Variants in RAG1 observed in about 807,000 individuals in gnomAD.
The protein encoded by RAG1 is V(D)J recombination-activating protein 1.
RAG1 carries 35 observed loss-of-function variants against 62.7 expected under a neutral mutation model. The ratio of observed to expected loss-of-function variants is 0.56; its 90% CI spans 0.43 to 0.74. RAG1 has a LOEUF of 0.74. Among genes scored for constraint, RAG1 ranks in the 30% least tolerant of loss-of-function variants. The pLI is 0.00. For synonymous variants in RAG1, 461 were observed against 470.3 expected (o/e 0.98, Z 0.26); for missense variants, 1,169 against 1,278.6 (o/e 0.91, Z 1.31).
rs145951370 is a variant in RAG1 at position 36,575,105 on chromosome 11, T to G, written c.1801T>G (p.Ser601Ala). Residue 601 changes from serine (S) to alanine (A), a missense_variant, in exon 2 of 2, where the codon TCT (serine) becomes GCT (alanine). Physicochemically the swap from Ser to Ala is moderately conservative, Grantham distance 99. Transcript: ENST00000299440. This position sits in a 1 kb window ranked among gnomAD's most constrained non-coding sequence, Gnocchi z 4.1. Reference sequence around the variant, plus strand: ...CCCCTTCACTGTGGTGGTGAAGGAGTCTTGTGATGGAATGGGAGACGTGAG... The same window carrying G: ...CCCCTTCACTGTGGTGGTGAAGGAGGCTTGTGATGGAATGGGAGACGTGAG... Reference protein sequence around the residue: ...NGPFTVVVKESCDGMGDVSEK... With the variant: ...NGPFTVVVKEACDGMGDVSEK... The G allele has an allele frequency of 6.2e-7, 1 of 1,613,614 alleles. No individual in the cohort carries two copies. Among genetic ancestry groups the G allele is most frequent in the Non-Finnish European group, 8.5e-7 (1 of 1,179,894 alleles).
rs1348801668 is a variant in RAG1, at chr11:36,577,381, TG to T, written c.*946del. The T allele has an allele frequency of 1.2e-5, 2 of 167,024 alleles. No homozygotes were observed. The highest frequency in any genetic ancestry group is 2.9e-5 in the Non-Finnish European group (2 of 68,114). 10.3% of individuals were successfully genotyped at this position (167,024 alleles called of 1,614,324 possible). ...TATTTCATGTCTTACTGAAACATTT[TG>T]CCAGACTTTCTCCAAATGAAACCTG... On this transcript the variant is annotated 3_prime_UTR_variant, in exon 2 of 2. Coordinates refer to ENST00000299440, the MANE Select transcript of RAG1 (RefSeq NM_000448.3).
chr11:36,561,955 C>T (rs371862223), intron 3 of RAG1, among the ~76,000 whole-genome samples: 20 of 152,212 alleles, frequency 1.3e-4, no homozygotes, highest in African/African-American at 4.3e-4. Context: ...CCAATGTCAG[C>T]GTATCCGGAC....
intron 3 of RAG1, among the ~76,000 whole-genome samples, chr11:36,551,223 G>T (rs1850476660): frequency 6.6e-6 from 1 of 152,084 alleles, no homozygotes; most frequent in South Asian, 2.1e-4. Context: ...TAAGAAAGTG[G>T]CAGTTTTTGG....
chr11:36,562,256 T>A (rs1850600894), intron 3 of RAG1, among the ~76,000 whole-genome samples: 2 of 152,208 alleles, frequency 1.3e-5, no homozygotes, highest in Admixed American at 1.3e-4. Flanking sequence ...AGAGTTGCCA[T>A]TAAGCAAGCT....
Position 36,576,414 on chromosome 11 carries a change from G to A in RAG1, c.3110G>A (p.Ser1037Asn). The part of the protein sequence containing the change: ...DPLGIEDSLE[S>N]QDSMEF ...TTAGGCATAGAGGACTCTCTGGAAA[G>A]CCAAGATTCAATGGAATTTTAAGTA... Residue 1037 changes from serine (S) to asparagine (N), a missense_variant, in exon 2 of 2, where the codon AGC becomes AAC. Physicochemically the swap from Ser to Asn is conservative, Grantham distance 46. This residue lies in a region of RAG1 where 800 missense variants were observed against 943.3 expected (regional missense o/e 0.85). Transcript: ENST00000299440. 1 of 1,614,150 alleles carries A rather than the reference G, an allele frequency of 6.2e-7. No individual in the cohort carries two copies. Among genetic ancestry groups the A allele is most frequent in the Non-Finnish European group, 8.5e-7 (1 of 1,180,036 alleles).
At chr11:36,571,169 T>C (rs374021948) in intron 1 of RAG1, among the ~76,000 whole-genome samples, 20 of 152,294 alleles carry the variant, frequency 1.3e-4, no homozygotes, top group African/African-American at 4.3e-4. Flanking sequence ...GTTCTAAGGA[T>C]CCTACAAACA....
At chr11:36,549,743 AC>A (rs1408694132) in intron 3 of RAG1, among the ~76,000 whole-genome samples, 1 of 152,164 alleles carries the variant, frequency 6.6e-6, no homozygotes, top group Non-Finnish European at 1.5e-5. Flanking sequence ...ATACCATTTG[AC>A]CCAGCAATCT....
intron 2 of RAG1, among the ~76,000 whole-genome samples, chr11:36,522,966 T>C (rs947468346): frequency 1.1e-4 from 17 of 152,386 alleles, no homozygotes; most frequent in Admixed American, 9.1e-4. Flanking sequence ...ACCCCCATTG[T>C]ACCTAGGAAG....
intron 1 of RAG1, among the ~76,000 whole-genome samples, chr11:36,570,798 CTGT>C (rs931583202): frequency 1.2e-4 from 18 of 152,122 alleles, no homozygotes; most frequent in African/African-American, 4.1e-4. Flanking sequence ...TTTCATATAC[CTGT>C]TTGCCATTTG....
chr11:36,534,185 G>A (rs1288062887), intron 2 of RAG1, among the ~76,000 whole-genome samples: 1 of 151,914 alleles, frequency 6.6e-6, no homozygotes, highest in East Asian at 1.9e-4. Context: ...TAAATTATAA[G>A]CAATTCAAAT....
At chr11:36,571,898 A>G (rs188380538) in intron 1 of RAG1, among the ~76,000 whole-genome samples, 36 of 152,296 alleles carry the variant, frequency 2.4e-4, no homozygotes, top group Non-Finnish European at 1.3e-4. Context: ...GATCACAGGC[A>G]TGAGCCACTG....
At chr11:36,549,634 T>A (rs1850452770) in intron 3 of RAG1, among the ~76,000 whole-genome samples, 1 of 152,176 alleles carries the variant, frequency 6.6e-6, no homozygotes, top group African/African-American at 2.4e-5. Context: ...GGAGAGGATG[T>A]GGAGAATAGG....
chr11:36,528,866 C>T (rs1380945283), intron 2 of RAG1, among the ~76,000 whole-genome samples: 2 of 152,132 alleles, frequency 1.3e-5, no homozygotes, highest in Non-Finnish European at 2.9e-5. Flanking sequence ...ACTATAACCA[C>T]CTCTGTGCAA....
chr11:36,572,602 T>A (rs1850766066), intron 1 of RAG1, among the ~76,000 whole-genome samples: 2 of 152,222 alleles, frequency 1.3e-5, no homozygotes, highest in African/African-American at 4.8e-5. Flanking sequence ...AGTTCCGTGT[T>A]TTTTGTTTCT....
At chr11:36,519,563 A>T (rs1001333371) in intron 1 of RAG1, among the ~76,000 whole-genome samples, 1 of 152,220 alleles carries the variant, frequency 6.6e-6, no homozygotes. Context: ...TGCATTTATA[A>T]TGTGCCAATG....
chr11:36,561,237 C>T (rs1850580336), intron 3 of RAG1, among the ~76,000 whole-genome samples: 1 of 152,212 alleles, frequency 6.6e-6, no homozygotes, highest in Admixed American at 6.5e-5. Context: ...TTCCTTTCCA[C>T]ACTGTACAAG....
chr11:36,525,815 G>A (rs1419109347), intron 2 of RAG1, among the ~76,000 whole-genome samples: 3 of 152,012 alleles, frequency 2.0e-5, no homozygotes, highest in East Asian at 3.9e-4. Flanking sequence ...AATTCTATGA[G>A]ATTGTCTATA....
chr11:36,517,043 G>A (rs1860005893), intron 1 of RAG1, among the ~76,000 whole-genome samples: 1 of 152,192 alleles, frequency 6.6e-6, no homozygotes, highest in Non-Finnish European at 1.5e-5. Context: ...CAGCAGCAGC[G>A]AAAGGAGAGA....
chr11:36,547,634 T>G (rs1850414989), intron 3 of RAG1, among the ~76,000 whole-genome samples: 1 of 152,170 alleles, frequency 6.6e-6, no homozygotes, highest in African/African-American at 2.4e-5. Flanking sequence ...CAGTAATTTA[T>G]AGCCTACCAA....
Sources: allele counts gnomAD v4.1 joint callset (sites outside exome capture counted in the v4.1 genomes callset), GRCh38; gene constraint gnomAD v4.1.1; regional missense constraint gnomAD v4.1.1; non-coding constraint Gnocchi (gnomAD v3.1); transcripts MANE v1.5; gene names NCBI Gene and HGNC (gene_info 2026-07-23, HGNC 2026-07-21).